Variants in EVC observed in about 807,000 individuals in gnomAD.
EVC encodes the protein evC complex member EVC.
In EVC, 116 loss-of-function variants were observed where a neutral mutation model predicts 118.9. The ratio of observed to expected loss-of-function variants is 0.98; its 90% CI spans 0.84 to 1.14. The LOEUF (loss-of-function observed/expected upper bound fraction) is 1.14. Among genes scored for constraint, EVC ranks in the 50% most tolerant of loss-of-function variants. The probability of loss-of-function intolerance (pLI) is 0.00; values close to 1 mark genes in which losing one functional copy is unlikely to be tolerated. For missense variants in EVC, 1,401 were observed against 1,246.4 expected (o/e 1.12, Z -1.87); for synonymous variants, 619 against 534.7 (o/e 1.16, Z -2.18).
chr4:5,783,507 G>A, intron 11 of EVC, 45 bp from the exon 12 acceptor site: 1 of 1,592,160 alleles, frequency 6.3e-7, no homozygotes, highest in South Asian at 1.1e-5. Flanking sequence ...CCCCACACAG[G>A]GTCCTGCCGT....
chr4:5,763,581 C>A lies in EVC; in HGVS notation c.1563+7219C>A, dbSNP rs1012919143. Among the ~76,000 whole-genome samples, 23 of 130,452 alleles carry A rather than the reference C, an allele frequency of 1.8e-4. 2 individuals are homozygous for A. In the East Asian group the frequency reaches 5.1e-3, roughly 29 times the overall value. 85.6% of individuals were successfully genotyped at this position (130,452 alleles called of 152,430 possible). On this transcript the variant is annotated intron_variant, in intron 11 of 20. Transcript: ENST00000264956. ...TTGTATCCTCTTTTATTTCATTGAG[C>A]AGTGGTTTGTAGTTCTCCTTGAAGA...
At chr4:5,714,213 A>G (rs191554838) in intron 1 of EVC, among the ~76,000 whole-genome samples, 34 of 151,024 alleles carry the variant, frequency 2.3e-4, no homozygotes, top group African/African-American at 7.8e-4. Flanking sequence ...CTTTGTAGGC[A>G]CTGTTTGTTC....
the EVC span, chr4:5,825,665 CAG>C: frequency 4.3e-6 from 7 of 1,612,384 alleles, no homozygotes; most frequent in Admixed American, 5.0e-5. The surrounding 1 kb of genome is among the most constrained non-coding windows in gnomAD (Gnocchi z 4.4). Context: ...AAAACCTAAA[CAG>C]AGGAAGGGAG....
At position 5,767,997 on chromosome 4, in the gene EVC, A is replaced by G. The variant is rs552708470; in HGVS notation, c.1563+11635A>G. Among the ~76,000 whole-genome samples the G allele has an allele frequency of 2.0e-5, 3 of 152,092 alleles. No homozygotes were observed. In the South Asian group the frequency reaches 6.2e-4, roughly 32 times the overall value. Reference sequence around the variant, plus strand: ...CCAGGCATCTTGGGAGAGTTTGTTCATTCATTCATTCGTTCATTCATTCAT... The same window carrying G: ...CCAGGCATCTTGGGAGAGTTTGTTCGTTCATTCATTCGTTCATTCATTCAT... On this transcript the variant is annotated intron_variant, in intron 11 of 20. Transcript: ENST00000264956.
At chr4:5,820,604 G>T in the EVC span, among the ~76,000 whole-genome samples, 1 of 152,088 alleles carries the variant, frequency 6.6e-6, no homozygotes, top group Non-Finnish European at 1.5e-5. Context: ...TTGGGTCTCA[G>T]GAACTCAGCC....
At position 5,731,441 on chromosome 4, in the gene EVC, C is replaced by A. The variant is rs1403693257; in HGVS notation, c.401C>A (p.Ser134Tyr). The change falls in exon 4 of 21, where the codon TCC becomes TAC. Residue 134 changes from serine (S) to tyrosine (Y), a missense_variant. Transcript: ENST00000264956. This position sits in a 1 kb window ranked among gnomAD's most constrained non-coding sequence, Gnocchi z 5.6. Reference protein sequence around the residue: ...NQKFRPLADGSSNPSLHENLK... With the variant: ...NQKFRPLADGYSNPSLHENLK... Reference sequence around the variant, plus strand: ...CCACCCCAGCCTCTGGCCGATGGCTCCTCCAACCCGTCTCTGCATGAAAAC... The same window carrying A: ...CCACCCCAGCCTCTGGCCGATGGCTACTCCAACCCGTCTCTGCATGAAAAC... The A allele has an allele frequency of 6.2e-7, 1 of 1,613,590 alleles. No homozygotes were observed. The highest frequency in any genetic ancestry group is 8.5e-7 in the Non-Finnish European group (1 of 1,179,944).
In EVC at chr4:5,802,020, C is replaced by T. The variant is rs753732049; in HGVS notation, c.2375C>T (p.Ala792Val). 35 of 1,613,992 alleles carry T rather than the reference C, an allele frequency of 2.2e-5. No homozygotes were observed. The highest frequency in any genetic ancestry group is 2.6e-5 in the Non-Finnish European group (31 of 1,180,030). The change falls in exon 16 of 21, where the codon GCG becomes GTG. Residue 792 changes from alanine to valine, a missense_variant. Ala to Val is a moderately conservative substitution (Grantham distance 64). Coordinates refer to ENST00000264956, the MANE Select transcript of EVC (RefSeq NM_153717.3). ...TSAGVSRLVQ[A>V]YYQQIGRIME... ...GCTGGTGTCAGCCGCCTGGTGCAGG[C>T]GTATTACCAGCAAATCGGAAGGATC...
chr4:5,827,116 AC>A, the EVC span, among the ~76,000 whole-genome samples: 2 of 150,960 alleles, frequency 1.3e-5, no homozygotes, highest in Non-Finnish European at 3.0e-5. Flanking sequence ...GTGCAATGGG[AC>A]CCCCCGATCC....
At chr4:5,810,291 C>A in intron 19 of EVC, 48 bp from the exon 20 acceptor site, 2 of 1,496,198 alleles carry the variant, frequency 1.3e-6, no homozygotes, top group Non-Finnish European at 1.8e-6. Flanking sequence ...GAAGTTGTCA[C>A]TTGTCTAAAG....
chr4:5,827,964 A>G, the EVC span: 9 of 890,942 alleles, frequency 1.0e-5, no homozygotes, highest in South Asian at 5.1e-5. Flanking sequence ...AAGGTTGTTC[A>G]AGGAAAATAA....
chr4:5,811,292 A>G lies in EVC; in HGVS notation c.*255A>G. On this transcript the variant is annotated 3_prime_UTR_variant, in exon 21 of 21. Transcript: ENST00000264956. The stretch of plus-strand genomic sequence containing the variant: ...TCATTTGGCTTGGAGCCCTGGCTCG[A>G]TGCCTCATGGATCTTTCTCCCCAAG... 6.4e-6 allele frequency: 3 copies of G among 468,904 alleles called. No individual in the cohort carries two copies. Among genetic ancestry groups the G allele is most frequent in the South Asian group, 6.3e-5 (3 of 47,848 alleles). The allele number at this position is 468,904 out of a possible 1,614,324, so 29.0% of individuals were successfully genotyped here. A position where few individuals can be genotyped will look rare whatever the true frequency, so the allele number is the denominator to read the frequency against.
chr4:5,725,443 G>A (rs1041736496), intron 2 of EVC, among the ~76,000 whole-genome samples: 9 of 152,148 alleles, frequency 5.9e-5, no homozygotes, highest in Admixed American at 5.9e-4. Flanking sequence ...GTATCTCATT[G>A]TGGTTTTGAT....
At chr4:5,804,293 C>A (rs1000889484) in intron 16 of EVC, among the ~76,000 whole-genome samples, 1 of 152,180 alleles carries the variant, frequency 6.6e-6, no homozygotes, top group African/African-American at 2.4e-5. Flanking sequence ...GCTTAACCTG[C>A]AAACAAGAAG....
chr4:5,807,616 C>T (rs1042290303), intron 17 of EVC, among the ~76,000 whole-genome samples: 10 of 152,232 alleles, frequency 6.6e-5, no homozygotes, highest in South Asian at 6.2e-4. Flanking sequence ...CTCAGGTACC[C>T]GGCCTCTGCT....
chr4:5,799,665 G>A (rs1392433421), intron 15 of EVC, among the ~76,000 whole-genome samples: 1 of 152,166 alleles, frequency 6.6e-6, no homozygotes, highest in Admixed American at 6.5e-5. Flanking sequence ...ACAGCCCTGT[G>A]CCCAGCAGGC....
At chr4:5,804,205 T>C (rs1715484068) in intron 16 of EVC, among the ~76,000 whole-genome samples, 1 of 152,190 alleles carries the variant, frequency 6.6e-6, no homozygotes, top group South Asian at 2.1e-4. Context: ...CCCAAAGTGC[T>C]GGGATTACAA....
rs372056602 is a variant in EVC, at chr4:5,804,708, T to C, written c.2450-22T>C. The C allele has an allele frequency of 3.1e-6, 5 of 1,608,488 alleles. No homozygotes were observed. In the African/African-American group the frequency reaches 4.0e-5, roughly 13 times the overall value. ...GGATCCTCCAAACAGACCCCTTGAT[T>C]GTCCTGTGTTAAATGGTCTAGGTGA... On this transcript the variant is annotated intron_variant, in intron 16 of 20. Transcript: ENST00000264956.
intron 8 of EVC, among the ~76,000 whole-genome samples, chr4:5,752,510 C>T (rs1730537039): frequency 1.3e-5 from 2 of 152,124 alleles, no homozygotes; most frequent in South Asian, 4.1e-4. Context: ...GACTATAAGC[C>T]AGGTGGCTTT....
chr4:5,770,957 A>G (rs1733851540), intron 11 of EVC, among the ~76,000 whole-genome samples: 1 of 152,040 alleles, frequency 6.6e-6, no homozygotes, highest in African/African-American at 2.4e-5. Context: ...GGTTGCAGTG[A>G]GACGAGATCG....
Sources: allele counts gnomAD v4.1 joint callset (sites outside exome capture counted in the v4.1 genomes callset), GRCh38; gene constraint gnomAD v4.1.1; non-coding constraint Gnocchi (gnomAD v3.1); transcripts MANE v1.5; gene names NCBI Gene and HGNC (gene_info 2026-07-23, HGNC 2026-07-21).